The following ERBB4 variants were observed in gnomAD, a reference collection of about 807,000 sequenced individuals.
The protein encoded by ERBB4 is receptor tyrosine-protein kinase erbB-4.
Under a neutral mutation model 158.0 loss-of-function variants are expected in ERBB4, and 42 were observed. That is an observed-to-expected ratio of 0.27 (90% CI 0.21 to 0.34). The LOEUF is 0.34. ERBB4 is among the 10% of genes least tolerant of loss of function. The pLI, the probability that ERBB4 is intolerant of heterozygous loss-of-function variation, is 1.00. For synonymous variants in ERBB4, 583 were observed against 558.7 expected, an observed-to-expected ratio of 1.04 and a Z score of -0.61; for missense variants, 1,333 against 1,624.1, an observed-to-expected ratio of 0.82 and a Z score of 3.08.
chr2:211,513,712 C>T (rs1393100783), intron 20 of ERBB4, among the ~76,000 whole-genome samples: 2 of 151,524 alleles, frequency 1.3e-5, no homozygotes, highest in Admixed American at 6.6e-5. Flanking sequence ...CTTTGGCAGG[C>T]GCCCCCAACC....
chr2:212,352,265 G>A (rs2089284385), intron 1 of ERBB4, among the ~76,000 whole-genome samples: 1 of 150,888 alleles, frequency 6.6e-6, no homozygotes, highest in African/African-American at 2.4e-5. Context: ...CAACATCCCA[G>A]GATGTGAGTA....
intron 2 of ERBB4, among the ~76,000 whole-genome samples, chr2:211,958,097 G>C (rs1475793307): frequency 1.3e-5 from 2 of 152,022 alleles, no homozygotes; most frequent in Non-Finnish European, 1.5e-5. Context: ...GCCTGGATTT[G>C]ACAAGCCTGC....
intron 3 of ERBB4, among the ~76,000 whole-genome samples, chr2:211,789,795 G>C (rs1430356570): frequency 6.6e-6 from 1 of 152,066 alleles, no homozygotes; most frequent in Admixed American, 6.6e-5. Context: ...ACTGAAGAGA[G>C]ATAAATGAAA....
intron 1 of ERBB4, among the ~76,000 whole-genome samples, chr2:212,255,150 AT>A (rs1362747176): frequency 6.6e-6 from 1 of 152,200 alleles, no homozygotes; most frequent in Non-Finnish European, 1.5e-5. Context: ...ATTAGGCTGT[AT>A]ACCTGAAAAT....
At chr2:212,143,005 T>C (rs2080537559) in intron 1 of ERBB4, among the ~76,000 whole-genome samples, 1 of 151,832 alleles carries the variant, frequency 6.6e-6, no homozygotes, top group Non-Finnish European at 1.5e-5. Flanking sequence ...TTTTGAAGAG[T>C]CATTTTAACA....
intron 3 of ERBB4, among the ~76,000 whole-genome samples, chr2:211,946,507 T>A (rs1014804713): frequency 6.6e-6 from 1 of 151,322 alleles, no homozygotes; most frequent in Non-Finnish European, 1.5e-5. Flanking sequence ...TTATTTTAAT[T>A]TATAGTAAAT....
At chr2:211,416,961 C>G (rs1312090491) in intron 25 of ERBB4, among the ~76,000 whole-genome samples, 1 of 151,984 alleles carries the variant, frequency 6.6e-6, no homozygotes. Flanking sequence ...GGTTAATATT[C>G]ATTTATTTCC....
chr2:212,179,001 CAATT>C (rs970667734), intron 1 of ERBB4, among the ~76,000 whole-genome samples: 4 of 151,498 alleles, frequency 2.6e-5, no homozygotes, highest in African/African-American at 9.7e-5. Flanking sequence ...ATCAAATATA[CAATT>C]AATATATAAA....
chr2:212,112,598 T>C (rs937675075), intron 2 of ERBB4, among the ~76,000 whole-genome samples: 2 of 152,144 alleles, frequency 1.3e-5, no homozygotes, highest in Non-Finnish European at 2.9e-5. Context: ...TGGTTTAAAA[T>C]GCTCACTTTG....
rs6725181 is a variant in ERBB4 at position 211,665,741 on chromosome 2, C to T, written c.1717-264G>A. Among the ~76,000 whole-genome samples the T allele has an allele frequency of 0.18, 27,852 of 152,116 alleles. 3,779 individuals carry two copies. The highest frequency in any genetic ancestry group is 0.38 in the African/African-American group (15,675 of 41,452). On this transcript the variant is annotated intron_variant, in intron 14 of 27. Transcript: ENST00000342788. ...TTTGTGCTTGAAATATTTTCCTTTT[C>T]GACATAAGCAGTTCCTGGGCCAACT...
chr2:212,461,695 T>C (rs566633747), intron 1 of ERBB4, among the ~76,000 whole-genome samples: 16 of 152,208 alleles, frequency 1.1e-4, no homozygotes, highest in African/African-American at 3.6e-4. Flanking sequence ...GATGTGAGAT[T>C]GGGGAGGGGT....
rs532338138 is a variant in ERBB4 at position 211,774,074 on chromosome 2, T to A, written c.556+13951A>T. Among the ~76,000 whole-genome samples, 4 of 101,282 alleles carry A rather than the reference T, an allele frequency of 3.9e-5. No homozygotes were observed. In the South Asian group the frequency reaches 2.0e-3, roughly 50 times the overall value. 66.4% of individuals were successfully genotyped at this position (101,282 alleles called of 152,430 possible). A position where few individuals can be genotyped will look rare whatever the true frequency, so the allele number is the denominator to read the frequency against. On this transcript the variant is annotated intron_variant, in intron 4 of 27. Transcript: ENST00000342788. Reference sequence around the variant, plus strand: ...GATGCTCTGTGGTCACCCCAACCAATTTTTTTTTTTTTTCTTGAGATGGAG... The same window carrying A: ...GATGCTCTGTGGTCACCCCAACCAAATTTTTTTTTTTTTCTTGAGATGGAG...
chr2:211,716,399 G>A lies in ERBB4; in HGVS notation c.884-2751C>T, dbSNP rs1464192789. 5.7e-5 allele frequency among the ~76,000 whole-genome samples: 8 copies of A among 139,162 alleles called. No individual in the cohort carries two copies. In the South Asian group the frequency reaches 8.8e-4, roughly 15 times the overall value. 91.3% of individuals were successfully genotyped at this position (139,162 alleles called of 152,430 possible). A position where few individuals can be genotyped will look rare whatever the true frequency, so the allele number is the denominator to read the frequency against. On this transcript the variant is annotated intron_variant, in intron 7 of 27. Transcript: ENST00000342788. Reference sequence around the variant, plus strand: ...AAAAAAAAAAAAAAAAAAAAAGGCCGGGCGCAGTGGCTCACGCCTGTAATC... The same window carrying A: ...AAAAAAAAAAAAAAAAAAAAAGGCCAGGCGCAGTGGCTCACGCCTGTAATC...
At chr2:212,418,338 T>C (rs991214857) in intron 1 of ERBB4, among the ~76,000 whole-genome samples, 10 of 151,892 alleles carry the variant, frequency 6.6e-5, no homozygotes, top group African/African-American at 2.4e-4. Context: ...GTTAATAACA[T>C]TTTCTAGTGT....
chr2:211,647,240 A>G (rs1175743963), intron 16 of ERBB4, among the ~76,000 whole-genome samples: 3 of 151,122 alleles, frequency 2.0e-5, no homozygotes, highest in Admixed American at 6.6e-5. Context: ...TCTCTCCTGT[A>G]TCTCCAACCT....
At chr2:211,852,812 G>A (rs755799966) in intron 3 of ERBB4, among the ~76,000 whole-genome samples, 5 of 151,754 alleles carry the variant, frequency 3.3e-5, no homozygotes, top group Non-Finnish European at 7.4e-5. Context: ...AAAAGATTCA[G>A]CTTTTCTCAG....
intron 12 of ERBB4, among the ~76,000 whole-genome samples, chr2:211,685,832 G>C (rs1004002327): frequency 1.3e-5 from 2 of 152,010 alleles, no homozygotes; most frequent in Admixed American, 1.3e-4. Context: ...TACAAGTCCT[G>C]TATATGTTTT....
chr2:211,951,267 C>T lies in ERBB4; in HGVS notation c.235-3651G>A, dbSNP rs986996317. 7.9e-5 allele frequency among the ~76,000 whole-genome samples: 12 copies of T among 152,032 alleles called. No homozygotes were observed. In the East Asian group the frequency reaches 1.9e-3, roughly 24 times the overall value. The stretch of plus-strand genomic sequence containing the variant: ...GTCAACAGAGAAAACACAGATGAAG[C>T]ATATTCAGGTAAAAGAAGAAGTTTA... On this transcript the variant is annotated intron_variant, in intron 2 of 27. Coordinates refer to ENST00000342788, the MANE Select transcript of ERBB4 (RefSeq NM_005235.3).
At chr2:212,178,145 T>C (rs80239014) in intron 1 of ERBB4, among the ~76,000 whole-genome samples, 5,663 of 151,832 alleles carry the variant, frequency 0.037, 340 homozygotes, top group African/African-American at 0.12. Flanking sequence ...AAGGGTCTTA[T>C]TGTCTATGTT....
Sources: gnomAD v4.1 joint callset for allele counts (sites outside exome capture counted in the v4.1 genomes callset) on GRCh38, gnomAD v4.1.1 for gene constraint, MANE v1.5 for transcripts, NCBI Gene and HGNC (gene_info 2026-07-23, HGNC 2026-07-21) for gene names.